Variants in AGBL1 observed in about 807,000 individuals in gnomAD.
AGBL1 encodes the protein cytosolic carboxypeptidase 4.
AGBL1 carries 130 observed loss-of-function variants against 118.9 expected under a neutral mutation model. The ratio of observed to expected loss-of-function variants is 1.09; its 90% confidence interval spans 0.95 to 1.26. The LOEUF (loss-of-function observed/expected upper bound fraction) is 1.26. Among genes scored for constraint, AGBL1 ranks in the 50% most tolerant of loss-of-function variants. The probability of loss-of-function intolerance (pLI) is 0.00; values close to 1 mark genes in which losing one functional copy is unlikely to be tolerated. For missense variants in AGBL1, 1,584 were observed against 1,298.1 expected, an observed-to-expected ratio of 1.22 and a Z score of -3.38; for synonymous variants, 555 against 478.9, an observed-to-expected ratio of 1.16 and a Z score of -2.08.
intron 22 of AGBL1, among the ~76,000 whole-genome samples, chr15:86,738,661 T>A (rs2077635618): frequency 1.3e-5 from 2 of 152,244 alleles, no homozygotes; most frequent in Admixed American, 1.3e-4. Flanking sequence ...TATTGTCTCA[T>A]GTGACATGAA....
chr15:86,648,689 T>A (rs2469183), intron 21 of AGBL1, among the ~76,000 whole-genome samples: 1 of 151,848 alleles, frequency 6.6e-6, no homozygotes, highest in South Asian at 2.1e-4. Context: ...AATTGAAGTG[T>A]AGAGACTAAC....
chr15:86,472,772 A>T (rs1352600380), intron 18 of AGBL1, among the ~76,000 whole-genome samples: 1 of 152,156 alleles, frequency 6.6e-6, no homozygotes, highest in African/African-American at 2.4e-5. Context: ...TACAAAAATT[A>T]GCCAGGTGTG....
At chr15:86,423,061 G>T (rs1053412198) in intron 18 of AGBL1, among the ~76,000 whole-genome samples, 1 of 152,158 alleles carries the variant, frequency 6.6e-6, no homozygotes, top group Non-Finnish European at 1.5e-5. Flanking sequence ...AATAGAAAAA[G>T]AGGGACTCCT....
At chr15:86,088,138 GA>G (rs2141454465) in intron 1 of AGBL1, 1 of 152,382 alleles carries the variant, frequency 6.6e-6, no homozygotes, top group South Asian at 2.1e-4. Flanking sequence ...ACTTTATTTG[GA>G]AAACAGTCAG....
intron 1 of AGBL1, among the ~76,000 whole-genome samples, chr15:86,086,034 G>A (rs1264724567): frequency 6.6e-6 from 1 of 152,198 alleles, no homozygotes; most frequent in East Asian, 1.9e-4. Context: ...GGTGTAATTG[G>A]AAATGCAGTG....
intron 5 of AGBL1, among the ~76,000 whole-genome samples, chr15:86,186,566 C>T (rs565924315): frequency 6.6e-6 from 1 of 152,306 alleles, no homozygotes; most frequent in South Asian, 2.1e-4. Flanking sequence ...GGCAAACCTG[C>T]TGCAGGCCTG....
At position 86,736,039 on chromosome 15, in the gene AGBL1, A is replaced by G. The variant is rs28672828; in HGVS notation, c.3158+61603A>G. Among the ~76,000 whole-genome samples, 787 of 152,284 alleles carry G rather than the reference A, an allele frequency of 5.2e-3. 8 individuals are homozygous for G. The highest frequency in any genetic ancestry group is 0.018 in the African/African-American group (742 of 41,564). On this transcript the variant is annotated intron_variant, in intron 22 of 22. Coordinates refer to ENST00000614907, the MANE Select transcript of AGBL1 (RefSeq NM_001386094.1). The stretch of plus-strand genomic sequence containing the variant: ...TACCAAGTTTACTGCAGCAAGGTCT[A>G]TGACCTCAAAGAGCTCAGCATTGCA...
chr15:86,690,735 A>G lies in AGBL1; in HGVS notation c.3158+16299A>G, dbSNP rs138228549. 1.8e-4 allele frequency among the ~76,000 whole-genome samples: 27 copies of G among 152,244 alleles called. No individual in the cohort carries two copies. The East Asian group carries it at 4.8e-3, about 27-fold the overall frequency. On this transcript the variant is annotated intron_variant, in intron 22 of 22. Coordinates refer to ENST00000614907, the MANE Select transcript of AGBL1 (RefSeq NM_001386094.1). ...GGGATCTTAGTCACCATAGAAAATT[A>G]TGCTTCATTCCTCAATTTCTGTTTG...
intron 21 of AGBL1, among the ~76,000 whole-genome samples, chr15:86,607,825 G>A (rs1353542421): frequency 2.0e-5 from 3 of 152,264 alleles, no homozygotes; most frequent in South Asian, 2.1e-4. Flanking sequence ...CAAGGGGAAT[G>A]TGCTATAGAG....
At chr15:86,646,746 T>G (rs775126334) in intron 21 of AGBL1, among the ~76,000 whole-genome samples, 2 of 152,200 alleles carry the variant, frequency 1.3e-5, no homozygotes, top group Non-Finnish European at 2.9e-5. Context: ...TCCTATGACC[T>G]TGATCACATT....
intron 18 of AGBL1, among the ~76,000 whole-genome samples, chr15:86,438,657 C>CTTTTT (rs35937855): frequency 2.3e-4 from 30 of 131,622 alleles, no homozygotes; most frequent in Non-Finnish European, 2.7e-4. Context: ...TAATCTGTCT[C>CTTTTT]TTTTTTTTTT....
chr15:87,031,422 C>T (rs890431984), downstream of AGBL1, among the ~76,000 whole-genome samples: 2 of 151,570 alleles, frequency 1.3e-5, no homozygotes, highest in African/African-American at 4.9e-5. Flanking sequence ...CACAGACCAG[C>T]CTTAAGTGCA....
chr15:86,227,120 C>T (rs1369323685), intron 6 of AGBL1, among the ~76,000 whole-genome samples: 2 of 151,950 alleles, frequency 1.3e-5, no homozygotes, highest in African/African-American at 4.8e-5. Context: ...CAGTACTGCC[C>T]CCTTCTACCA....
chr15:86,797,874 C>A (rs1053418900), intron 22 of AGBL1, among the ~76,000 whole-genome samples: 5 of 152,164 alleles, frequency 3.3e-5, no homozygotes, highest in African/African-American at 1.2e-4. Context: ...AAAATTACTT[C>A]TTTTCTTGGA....
chr15:86,867,656 T>A (rs749497494), intron 22 of AGBL1, among the ~76,000 whole-genome samples: 5 of 151,938 alleles, frequency 3.3e-5, no homozygotes, highest in Non-Finnish European at 7.4e-5. Flanking sequence ...CCGGACTAGG[T>A]GGGGCTTATA....
downstream of AGBL1, among the ~76,000 whole-genome samples, chr15:86,917,581 A>G (rs2080439470): frequency 6.6e-6 from 1 of 152,166 alleles, no homozygotes; most frequent in Non-Finnish European, 1.5e-5. The surrounding 1 kb of genome is among the most constrained non-coding windows in gnomAD (Gnocchi z 4.8). Context: ...TATGCGGATC[A>G]CCTCTACAAC....
At chr15:86,421,808 C>T (rs899297973) in intron 18 of AGBL1, among the ~76,000 whole-genome samples, 4 of 152,106 alleles carry the variant, frequency 2.6e-5, no homozygotes, top group Non-Finnish European at 4.4e-5. Context: ...ATCCTCATCT[C>T]TGATAAAATA....
chr15:86,680,607 C>A (rs2085937005), intron 22 of AGBL1, among the ~76,000 whole-genome samples: 1 of 126,120 alleles, frequency 7.9e-6, no homozygotes, highest in Non-Finnish European at 1.6e-5. Flanking sequence ...CTCTCTGTCA[C>A]CTAGGCTGGA....
At chr15:86,746,078 C>T (rs1225307553) in intron 22 of AGBL1, among the ~76,000 whole-genome samples, 2 of 152,048 alleles carry the variant, frequency 1.3e-5, no homozygotes, top group Non-Finnish European at 2.9e-5. Context: ...TACTTCATCC[C>T]AGTAAGGGCC....
Sources: allele counts gnomAD v4.1 joint callset (sites outside exome capture counted in the v4.1 genomes callset), GRCh38; gene constraint gnomAD v4.1.1; non-coding constraint Gnocchi (gnomAD v3.1); transcripts MANE v1.5; gene names NCBI Gene and HGNC (gene_info 2026-07-23, HGNC 2026-07-21).